POR: variants seen among roughly 807,000 people sequenced by gnomAD.
POR encodes the protein NADPH--cytochrome P450 reductase.
POR carries 56 observed loss-of-function variants against 84.0 expected under a neutral mutation model. That is an observed-to-expected ratio of 0.67 (90% CI 0.54 to 0.83). The LOEUF (loss-of-function observed/expected upper bound fraction) is 0.83, where lower values mean the gene tolerates loss of function less well. POR is among the 40% of genes least tolerant of loss of function. The pLI is 0.00. For missense variants in POR, 938 were observed against 944.3 expected (o/e 0.99, Z 0.09); for synonymous variants, 414 against 400.5 (o/e 1.03, Z -0.40).
At chr7:75,963,314 C>T (rs554888439) in intron 2 of POR, among the ~76,000 whole-genome samples, 55 of 152,212 alleles carry the variant, frequency 3.6e-4, no homozygotes, top group Non-Finnish European at 6.6e-4. Flanking sequence ...CCTCCCGCTG[C>T]TGTGGGAACG....
intron 2 of POR, among the ~76,000 whole-genome samples, chr7:75,966,328 T>C (rs1311313049): frequency 6.6e-6 from 1 of 152,184 alleles, no homozygotes; most frequent in Non-Finnish European, 1.5e-5. Flanking sequence ...GGCTTCTGTC[T>C]GAGCTCCAGC....
chr7:75,985,880 G>A, intron 13 of POR, 31 bp downstream of exon 13: 1 of 1,553,048 alleles, frequency 6.4e-7, no homozygotes. Flanking sequence ...GAGAGGGGGT[G>A]ACGACTGGGA....
chr7:75,967,475 C>A (rs1303012396), intron 2 of POR, among the ~76,000 whole-genome samples: 7 of 152,088 alleles, frequency 4.6e-5, no homozygotes, highest in African/African-American at 1.4e-4. Context: ...TGTTTGCCCG[C>A]AATTCTTTTG....
chr7:75,974,786 C>G (rs1334420534), intron 3 of POR, among the ~76,000 whole-genome samples: 2 of 152,124 alleles, frequency 1.3e-5, no homozygotes, highest in African/African-American at 4.8e-5. Context: ...CTTGGCCTCC[C>G]AAAGTTCTGG....
At chr7:75,945,173 C>T (rs1434602132) in intron 1 of POR, 2 of 152,054 alleles carry the variant, frequency 1.3e-5, no homozygotes, top group Non-Finnish European at 2.9e-5. Context: ...CCCACCTACT[C>T]AGGAGGCCTG....
intron 1 of POR, among the ~76,000 whole-genome samples, chr7:75,935,706 C>A (rs1470010224): frequency 6.7e-6 from 1 of 149,692 alleles, no homozygotes; most frequent in Non-Finnish European, 1.5e-5. Context: ...TAACTCAGGT[C>A]AGACACTTGG....
intron 1 of POR, among the ~76,000 whole-genome samples, chr7:75,937,257 T>A (rs1162423882): frequency 7.1e-6 from 1 of 140,172 alleles, no homozygotes; most frequent in Non-Finnish European, 1.5e-5. Flanking sequence ...GAGTTTGACA[T>A]CAGCCTGGAC....
chr7:75,951,954 G>A (rs1317708031), intron 1 of POR, among the ~76,000 whole-genome samples: 2 of 151,772 alleles, frequency 1.3e-5, no homozygotes, highest in Non-Finnish European at 2.9e-5. Flanking sequence ...GCGGCTGGCC[G>A]GGCGGGGGGC....
intron 2 of POR, among the ~76,000 whole-genome samples, chr7:75,961,160 G>C (rs1787919083): frequency 6.6e-6 from 1 of 151,912 alleles, no homozygotes; most frequent in Non-Finnish European, 1.5e-5. Flanking sequence ...TTGAATCCAG[G>C]AGGTGGAAGT....
intron 2 of POR, among the ~76,000 whole-genome samples, chr7:75,965,010 C>T (rs1440714460): frequency 1.3e-5 from 2 of 149,906 alleles, no homozygotes; most frequent in Admixed American, 6.7e-5. Context: ...GAGCGAACCC[C>T]GTCTCTAGAA....
intron 1 of POR, among the ~76,000 whole-genome samples, chr7:75,920,331 A>G (rs1806794506): frequency 6.6e-6 from 1 of 151,968 alleles, no homozygotes; most frequent in East Asian, 1.9e-4. Flanking sequence ...CAGCCTCCCA[A>G]AGTGCTAGGA....
At position 75,970,344 on chromosome 7, in the gene POR, C is replaced by T. The variant is rs150059262; in HGVS notation, c.189-2069C>T. 1.4e-3 allele frequency among the ~76,000 whole-genome samples: 214 copies of T among 151,566 alleles called. 8 individuals carry two copies. In the South Asian group the frequency reaches 0.04, roughly 28 times the overall value. The stretch of plus-strand genomic sequence containing the variant: ...TCCCTCTGTCTCCCGGGCTGGAACC[C>T]GGGTGTTTGAAGCTGCAGTGAGCTA... On this transcript the variant is annotated intron_variant, in intron 2 of 15. Transcript: ENST00000461988.
At chr7:75,953,211 C>T (rs541634177) in intron 1 of POR, among the ~76,000 whole-genome samples, 9 of 150,658 alleles carry the variant, frequency 6.0e-5, no homozygotes, top group Admixed American at 5.3e-4. Flanking sequence ...CGCAGGCACT[C>T]GGCAGGCTGA....
intron 1 of POR, among the ~76,000 whole-genome samples, chr7:75,943,431 T>G (rs1373647551): frequency 1.3e-5 from 2 of 152,178 alleles, no homozygotes; most frequent in Non-Finnish European, 2.9e-5. Context: ...CTTCTATTTT[T>G]GACAAAAATC....
chr7:75,958,817 G>A (rs529683988), intron 2 of POR, among the ~76,000 whole-genome samples: 54 of 149,084 alleles, frequency 3.6e-4, no homozygotes, highest in Middle Eastern at 3.6e-3. Flanking sequence ...CCACCCCCCC[G>A]CCATCTCTAC....
At chr7:75,964,764 C>T (rs1304511789) in intron 2 of POR, among the ~76,000 whole-genome samples, 1 of 152,132 alleles carries the variant, frequency 6.6e-6, no homozygotes, top group African/African-American at 2.4e-5. Context: ...GTGGCTTACA[C>T]CTGTAATACC....
chr7:75,984,771 C>G lies in POR; in HGVS notation c.1067-6C>G. On this transcript the variant is annotated splice_polypyrimidine_tract_variant and splice_region_variant and intron_variant, in intron 10 of 15. Transcript: ENST00000461988. ...ACCCCAAGTCCTGCCTGTCTCTTCCCTGCAGAGGAGTCCAACAAGAAGCAC... is the reference window on the plus strand; with the variant it reads ...ACCCCAAGTCCTGCCTGTCTCTTCCGTGCAGAGGAGTCCAACAAGAAGCAC... 1 of 1,612,394 alleles carries G rather than the reference C, an allele frequency of 6.2e-7. No individual in the cohort carries two copies. Among genetic ancestry groups the G allele is most frequent in the South Asian group, 1.1e-5 (1 of 91,080 alleles).
chr7:75,939,536 CTTTT>C (rs3043448), intron 1 of POR, among the ~76,000 whole-genome samples: 7,769 of 126,066 alleles, frequency 0.062, 731 homozygotes, highest in African/African-American at 0.21. Context: ...TACTCAACAG[CTTTT>C]TTTTTTTTTT....
intron 10 of POR, 118 bp downstream of exon 10, chr7:75,983,974 T>G: frequency 1.3e-6 from 1 of 750,356 alleles, no homozygotes; most frequent in Non-Finnish European, 2.1e-6. Context: ...GGGAGGCCCT[T>G]GCACCGAGAC....
Sources: allele counts gnomAD v4.1 joint callset (sites outside exome capture counted in the v4.1 genomes callset), GRCh38; gene constraint gnomAD v4.1.1; transcripts MANE v1.5; gene names NCBI Gene and HGNC (gene_info 2026-07-23, HGNC 2026-07-21).